The following RALGAPA2 variants were observed in gnomAD, a reference collection of about 807,000 sequenced individuals.
RALGAPA2 encodes ral GTPase-activating protein subunit alpha-2.
Under a neutral mutation model 230.4 loss-of-function variants are expected in RALGAPA2, and 139 were observed. The observed-to-expected ratio is 0.60, with a 90% CI of 0.53 to 0.69. RALGAPA2 has a LOEUF of 0.69. Ranked by LOEUF, RALGAPA2 falls within the 30% of genes least tolerant of loss-of-function variation. The pLI, the probability that RALGAPA2 is intolerant of heterozygous loss-of-function variation, is 0.00. For missense variants in RALGAPA2, 2,163 were observed against 2,276.0 expected (o/e 0.95, Z 1.01); for synonymous variants, 847 against 837.8 (o/e 1.01, Z -0.19).
At chr20:20,664,556 G>T (rs1254972204) in intron 3 of RALGAPA2, among the ~76,000 whole-genome samples, 3 of 152,094 alleles carry the variant, frequency 2.0e-5, no homozygotes, top group Non-Finnish European at 4.4e-5. Flanking sequence ...TTACACAGGA[G>T]ATCTCAGTCA....
intron 37 of RALGAPA2, among the ~76,000 whole-genome samples, chr20:20,418,123 A>T (rs2060203445): frequency 6.6e-6 from 1 of 152,172 alleles, no homozygotes; most frequent in Non-Finnish European, 1.5e-5. Context: ...AGCATCTGCG[A>T]CTCAGAGCTG....
intron 5 of RALGAPA2, among the ~76,000 whole-genome samples, chr20:20,642,211 T>C (rs2067064148): frequency 6.9e-6 from 1 of 145,160 alleles, no homozygotes; most frequent in Admixed American, 7.3e-5. Flanking sequence ...TTTTTTCTTT[T>C]TTTGAGGCAG....
intron 1 of RALGAPA2, among the ~76,000 whole-genome samples, chr20:20,692,257 C>T (rs1348928889): frequency 6.6e-6 from 1 of 152,162 alleles, no homozygotes; most frequent in African/African-American, 2.4e-5. Context: ...ACAATTACAG[C>T]CATGTTGTAC....
In RALGAPA2 at chr20:20,512,232, CACACACAT is replaced by C. The variant is rs1334415664; in HGVS notation, c.4856+273_4856+280del. 1.4e-4 allele frequency among the ~76,000 whole-genome samples: 21 copies of C among 146,972 alleles called. 1 individual carries two copies. Among genetic ancestry groups the C allele is most frequent in the East Asian group, 7.9e-4 (4 of 5,078 alleles). Reference sequence around the variant, plus strand: ...ACAACAACAACCCCCCCTACACACACACACACATACACACACACACACACACACACACA... The same window carrying C: ...ACAACAACAACCCCCCCTACACACACACACACACACACACACACACACACA... On this transcript the variant is annotated intron_variant, in intron 32 of 39. Coordinates refer to ENST00000202677, the MANE Select transcript of RALGAPA2 (RefSeq NM_020343.4).
chr20:20,459,950 C>T (rs909213407), intron 37 of RALGAPA2, among the ~76,000 whole-genome samples: 1 of 152,212 alleles, frequency 6.6e-6, no homozygotes, highest in African/African-American at 2.4e-5. Context: ...TCTCCCAGAG[C>T]ATAGGCTGCA....
intron 26 of RALGAPA2, among the ~76,000 whole-genome samples, chr20:20,532,363 T>G (rs2063387992): frequency 6.6e-6 from 1 of 152,208 alleles, no homozygotes; most frequent in African/African-American, 2.4e-5. Context: ...TCTATTCTGT[T>G]TTTAACTACA....
chr20:20,494,793 C>T (rs552119515), intron 36 of RALGAPA2, among the ~76,000 whole-genome samples: 84 of 152,170 alleles, frequency 5.5e-4, no homozygotes, highest in Non-Finnish European at 7.8e-4. Context: ...TATTAATCAA[C>T]ATAACCAAAA....
At chr20:20,443,615 C>T (rs1037371438) in intron 37 of RALGAPA2, among the ~76,000 whole-genome samples, 1 of 152,192 alleles carries the variant, frequency 6.6e-6, no homozygotes, top group Admixed American at 6.5e-5. Context: ...CAAGGCGTAC[C>T]ACATGACATC....
chr20:20,504,060 T>C (rs1602572457), intron 34 of RALGAPA2, among the ~76,000 whole-genome samples: 1 of 152,318 alleles, frequency 6.6e-6, no homozygotes, highest in African/African-American at 2.4e-5. Flanking sequence ...TATCCAAAAT[T>C]TTTAACTTGT....
chr20:20,549,464 C>A (rs568440190), intron 23 of RALGAPA2, among the ~76,000 whole-genome samples: 1 of 152,026 alleles, frequency 6.6e-6, no homozygotes, highest in Admixed American at 6.6e-5. Context: ...CTGCCACCCA[C>A]GTAAGACAGC....
chr20:20,703,840 G>A (rs1427192016), intron 1 of RALGAPA2, among the ~76,000 whole-genome samples: 1 of 152,114 alleles, frequency 6.6e-6, no homozygotes, highest in African/African-American at 2.4e-5. Flanking sequence ...GTCCACTCTA[G>A]GGCACATGTT....
intron 37 of RALGAPA2, among the ~76,000 whole-genome samples, chr20:20,431,896 G>C (rs375220299): frequency 7.9e-5 from 12 of 152,150 alleles, no homozygotes; most frequent in Admixed American, 3.9e-4. Flanking sequence ...AGAGGCCTGT[G>C]TCCCGGGTTT....
chr20:20,688,327 T>C (rs2068778580), intron 1 of RALGAPA2, among the ~76,000 whole-genome samples: 1 of 151,646 alleles, frequency 6.6e-6, no homozygotes, highest in African/African-American at 2.4e-5. Flanking sequence ...AAAAAAAAAG[T>C]ATCCTGGACT....
chr20:20,560,841 C>T (rs2145836689), intron 23 of RALGAPA2, among the ~76,000 whole-genome samples: 1 of 152,324 alleles, frequency 6.6e-6, no homozygotes, highest in East Asian at 1.9e-4. Context: ...GATGGTCTTA[C>T]AGGTCAATAG....
intron 20 of RALGAPA2, among the ~76,000 whole-genome samples, chr20:20,582,815 A>C (rs1378374510): frequency 6.6e-6 from 1 of 152,246 alleles, no homozygotes; most frequent in African/African-American, 2.4e-5. Context: ...TCCTGGATTT[A>C]TAACATGTAT....
At chr20:20,420,681 C>G (rs1034091476) in intron 37 of RALGAPA2, among the ~76,000 whole-genome samples, 2 of 152,044 alleles carry the variant, frequency 1.3e-5, no homozygotes, top group African/African-American at 4.8e-5. Flanking sequence ...GAGGCAGGCA[C>G]GACCCTCCCA....
At chr20:20,667,791 T>C (rs976679150) in intron 3 of RALGAPA2, among the ~76,000 whole-genome samples, 13 of 152,186 alleles carry the variant, frequency 8.5e-5, no homozygotes, top group African/African-American at 2.4e-4. Context: ...GGTGGGGAGA[T>C]GAAGTCCTAA....
chr20:20,695,281 G>T (rs2069067417), intron 1 of RALGAPA2, among the ~76,000 whole-genome samples: 1 of 152,188 alleles, frequency 6.6e-6, no homozygotes, highest in Non-Finnish European at 1.5e-5. Flanking sequence ...GTTATCTGGA[G>T]AAGCTTTGCT....
chr20:20,452,065 G>A (rs2061000041), intron 37 of RALGAPA2, among the ~76,000 whole-genome samples: 1 of 152,156 alleles, frequency 6.6e-6, no homozygotes, highest in Admixed American at 6.5e-5. Flanking sequence ...TCTTCTGACC[G>A]ATTTTCTAAT....
Sources: gnomAD v4.1 joint callset for allele counts (sites outside exome capture counted in the v4.1 genomes callset) on GRCh38, gnomAD v4.1.1 for gene constraint, MANE v1.5 for transcripts, NCBI Gene and HGNC (gene_info 2026-07-23, HGNC 2026-07-21) for gene names.